The following ERAP1 variants were observed in gnomAD, a reference collection of about 807,000 sequenced individuals.
ERAP1 encodes the protein adipocyte-derived leucine aminopeptidase.
Under a neutral mutation model 103.7 loss-of-function variants are expected in ERAP1, and 86 were observed. The observed-to-expected ratio is 0.83, with a 90% CI of 0.70 to 0.99. ERAP1 has a LOEUF of 0.99. Among genes scored for constraint, ERAP1 ranks in the 50% least tolerant of loss-of-function variants. The pLI is 0.00. For missense variants in ERAP1, 1,009 were observed against 1,128.4 expected (o/e 0.89, Z 1.52); for synonymous variants, 398 against 402.4 (o/e 0.99, Z 0.13).
the ERAP1 span, among the ~76,000 whole-genome samples, chr5:96,894,127 T>C: frequency 6.6e-6 from 1 of 152,238 alleles, no homozygotes. Flanking sequence ...CTATATTATA[T>C]ACATCTTTGT....
chr5:96,791,293 G>A (rs941878747), intron 8 of ERAP1, among the ~76,000 whole-genome samples: 2 of 152,174 alleles, frequency 1.3e-5, no homozygotes, highest in African/African-American at 4.8e-5. Flanking sequence ...ATATAAATAA[G>A]GGAAGTAGTC....
chr5:96,818,897 T>TATGTATTTATTC, the ERAP1 span, among the ~76,000 whole-genome samples: 12 of 95,382 alleles, frequency 1.3e-4, no homozygotes, highest in Non-Finnish European at 2.5e-4. Context: ...GAACTGCATT[T>TATGTATTTATTC]ATTTATTTAT....
chr5:96,841,730 TC>T, the ERAP1 span, among the ~76,000 whole-genome samples: 1 of 142,826 alleles, frequency 7.0e-6, no homozygotes, highest in Non-Finnish European at 1.5e-5. Flanking sequence ...AACTTTAACA[TC>T]TTTTCTCTTC....
At chr5:96,898,495 AC>A in the ERAP1 span, among the ~76,000 whole-genome samples, 1 of 147,482 alleles carries the variant, frequency 6.8e-6, no homozygotes, top group African/African-American at 2.5e-5. Context: ...TAATCCCATC[AC>A]TTTGGGAGAC....
At chr5:96,871,699 G>A in the ERAP1 span, among the ~76,000 whole-genome samples, 3 of 152,140 alleles carry the variant, frequency 2.0e-5, no homozygotes, top group Non-Finnish European at 4.4e-5. Context: ...TAAAATAGCA[G>A]TTGTTCAATG....
chr5:96,797,416 G>T, intron 3 of ERAP1, 107 bp from the exon 4 acceptor site: 1 of 1,297,036 alleles, frequency 7.7e-7, no homozygotes, highest in Non-Finnish European at 1.1e-6. Context: ...ATCAATCCCA[G>T]CACTTGGGGA....
the ERAP1 span, among the ~76,000 whole-genome samples, chr5:96,821,945 G>C: frequency 0.66 from 100,428 of 152,090 alleles, 33,659 homozygotes; most frequent in Non-Finnish European, 0.72. Flanking sequence ...TCAAATCTTT[G>C]CTGGTGTGGG....
the ERAP1 span, among the ~76,000 whole-genome samples, chr5:96,888,751 G>A: frequency 6.6e-6 from 1 of 152,178 alleles, no homozygotes; most frequent in African/African-American, 2.4e-5. Context: ...GACAGAGGGC[G>A]GATCCAATAA....
At chr5:96,868,506 T>A in the ERAP1 span, among the ~76,000 whole-genome samples, 13,336 of 152,228 alleles carry the variant, frequency 0.088, 681 homozygotes, top group Middle Eastern at 0.15. Context: ...ATTTGATAAA[T>A]GAGGAACTTA....
At chr5:96,847,932 C>A in the ERAP1 span, among the ~76,000 whole-genome samples, 3 of 151,686 alleles carry the variant, frequency 2.0e-5, no homozygotes, top group African/African-American at 7.3e-5. Flanking sequence ...CAAATTAAAT[C>A]CAGAGTTAGT....
At chr5:96,927,668 A>T in the ERAP1 span, among the ~76,000 whole-genome samples, 1 of 151,864 alleles carries the variant, frequency 6.6e-6, no homozygotes, top group Non-Finnish European at 1.5e-5. Context: ...TTGTATTTTT[A>T]GTGGAGACGG....
the ERAP1 span, among the ~76,000 whole-genome samples, chr5:96,895,517 A>G: frequency 6.6e-6 from 1 of 152,204 alleles, no homozygotes; most frequent in Non-Finnish European, 1.5e-5. Flanking sequence ...ACAGAACTGG[A>G]TGAAACATTG....
At position 96,792,340 on chromosome 5, in the gene ERAP1, A is replaced by G. The variant is rs1776823610; in HGVS notation, c.1189-148T>C. The G allele has an allele frequency of 1.2e-5, 8 of 676,212 alleles. No individual in the cohort carries two copies. In the South Asian group the frequency reaches 1.3e-4, roughly 11 times the overall value. The allele number at this position is 676,212 out of a possible 1,614,324, so 41.9% of individuals were successfully genotyped here. The stretch of plus-strand genomic sequence containing the variant: ...ATATTTCCTAATATTTATGAAACAA[A>G]ATAGAATTAATATATTCTAAAAGCT... On this transcript the variant is annotated intron_variant, in intron 7 of 18. Transcript: ENST00000443439.
chr5:96,813,848 C>T, the ERAP1 span, among the ~76,000 whole-genome samples: 2 of 151,886 alleles, frequency 1.3e-5, no homozygotes, highest in African/African-American at 2.4e-5. Flanking sequence ...TATGTGTTCT[C>T]GTGTTATAAT....
rs548727050 is a variant in ERAP1, at chr5:96,781,363, T to C, written c.2448-165A>G. Among the ~76,000 whole-genome samples, 10 of 152,214 alleles carry C rather than the reference T, an allele frequency of 6.6e-5. No homozygotes were observed. In the South Asian group the frequency reaches 2.1e-3, roughly 32 times the overall value. ...TGATAAACCCACTATAGCTACATAA[T>C]AAAAACTAACATTTATATAGTGTTC... is the stretch of plus-strand genomic sequence containing the variant. On this transcript the variant is annotated intron_variant, in intron 16 of 18. Coordinates refer to ENST00000443439, the MANE Select transcript of ERAP1 (RefSeq NM_001040458.3).
chr5:96,786,081 T>C lies in ERAP1; in HGVS notation c.1760-110A>G, dbSNP rs1007163142. ...AGAGAAGAGTTTAATACTGAAAAAT[T>C]TGAAAACATCACTTATTTCTCTCAG... On this transcript the variant is annotated intron_variant, in intron 12 of 18. Transcript: ENST00000443439. 28 of 1,017,072 alleles carry C rather than the reference T, an allele frequency of 2.8e-5. No individual in the cohort carries two copies. The Middle Eastern group carries it at 9.1e-4, about 33-fold the overall frequency. 63.0% of individuals were successfully genotyped at this position (1,017,072 alleles called of 1,614,324 possible). A position where few individuals can be genotyped will look rare whatever the true frequency, so the allele number is the denominator to read the frequency against.
the ERAP1 span, chr5:96,912,942 T>C: frequency 1.5e-6 from 1 of 669,294 alleles, no homozygotes; most frequent in African/African-American, 1.9e-5. Flanking sequence ...CAGAAAAGAA[T>C]ATATTGACAA....
At chr5:96,805,261 G>T (rs957806120) in intron 1 of ERAP1, among the ~76,000 whole-genome samples, 2 of 151,794 alleles carry the variant, frequency 1.3e-5, no homozygotes, top group Non-Finnish European at 2.9e-5. Context: ...TCGATGCCTG[G>T]GTCCTTATTG....
the ERAP1 span, among the ~76,000 whole-genome samples, chr5:96,837,571 A>G: frequency 3.3e-5 from 5 of 152,176 alleles, no homozygotes; most frequent in African/African-American, 1.2e-4. Context: ...GGGCGCCACC[A>G]GGAGCAAAAC....
Sources: gnomAD v4.1 joint callset for allele counts (sites outside exome capture counted in the v4.1 genomes callset) on GRCh38, gnomAD v4.1.1 for gene constraint, MANE v1.5 for transcripts, NCBI Gene and HGNC (gene_info 2026-07-23, HGNC 2026-07-21) for gene names.